The following KAZN variants were observed in gnomAD, a reference collection of about 807,000 sequenced individuals.
KAZN encodes kazrin, periplakin interacting protein.
In KAZN, 40 loss-of-function variants were observed where a neutral mutation model predicts 87.4. That is an observed-to-expected ratio of 0.46 (90% CI 0.36 to 0.60). The LOEUF (loss-of-function observed/expected upper bound fraction) is 0.60. Ranked by LOEUF, KAZN falls within the 20% of genes least tolerant of loss-of-function variation. KAZN has a pLI of 0.00. For synonymous variants in KAZN, 466 were observed against 458.3 expected (o/e 1.02, Z -0.22); for missense variants, 898 against 1,073.9 (o/e 0.84, Z 2.29).
intron 10 of KAZN, among the ~76,000 whole-genome samples, chr1:15,100,284 G>A (rs534918): frequency 0.45 from 69,053 of 151,884 alleles, 15,956 homozygotes; most frequent in East Asian, 0.74. Context: ...ATGCATATCC[G>A]GGCATGAAGG....
intron 2 of KAZN, among the ~76,000 whole-genome samples, chr1:14,211,055 A>G (rs1485293646): frequency 6.6e-6 from 1 of 152,158 alleles, no homozygotes; most frequent in African/African-American, 2.4e-5. Context: ...GGAGACACAC[A>G]GGAGTTCCCA....
intron 1 of KAZN, among the ~76,000 whole-genome samples, chr1:13,935,413 C>A (rs941482254): frequency 2.6e-5 from 4 of 152,080 alleles, no homozygotes; most frequent in Non-Finnish European, 1.5e-5. Flanking sequence ...AGGGCAGAAA[C>A]GGGGATTCAA....
intron 1 of KAZN, among the ~76,000 whole-genome samples, chr1:14,724,320 T>G (rs1572325911): frequency 6.6e-6 from 1 of 152,344 alleles, no homozygotes; most frequent in East Asian, 1.9e-4. Context: ...TTCTTCTTAT[T>G]CTCTGCACAG....
rs1328183404 is a variant in KAZN at position 14,599,938 on chromosome 1, G to A, written c.226+715G>A. ...GGGAGCCCGTTTGAAGGGACTCTGC[G>A]GTTTAGAGAAGAGGAAGAAAAAGAC... On this transcript the variant is annotated intron_variant, in intron 1 of 14. Transcript: ENST00000376030. The surrounding 1 kb of genome is among the most constrained non-coding windows in gnomAD (Gnocchi z 4.4). Among the ~76,000 whole-genome samples, 1 of 152,002 alleles carries A rather than the reference G, an allele frequency of 6.6e-6. No homozygotes were observed. Among genetic ancestry groups the A allele is most frequent in the Non-Finnish European group, 1.5e-5 (1 of 68,004 alleles).
At chr1:14,706,537 C>T (rs890765135) in intron 1 of KAZN, among the ~76,000 whole-genome samples, 5 of 152,146 alleles carry the variant, frequency 3.3e-5, no homozygotes, top group Admixed American at 1.3e-4. Context: ...GCTAATTACT[C>T]TGATCTGATC....
intron 2 of KAZN, among the ~76,000 whole-genome samples, chr1:14,218,388 G>T (rs2100486584): frequency 1.3e-5 from 2 of 152,248 alleles, no homozygotes; most frequent in East Asian, 1.9e-4. Context: ...CCCAGATTAT[G>T]ATCTTGAAAT....
rs542163658 is a variant in KAZN at position 14,439,634 on chromosome 1, T to C, written c.250-159349T>C. Reference sequence around the variant, plus strand: ...TACTGAGCACTTAAAATATAACTCATGTGACTAAGGAACTACATTTGCAAT... The same window carrying C: ...TACTGAGCACTTAAAATATAACTCACGTGACTAAGGAACTACATTTGCAAT... On this transcript the variant is annotated intron_variant, in intron 2 of 16. Transcript: ENST00000636203. Among the ~76,000 whole-genome samples, 47 of 152,354 alleles carry C rather than the reference T, an allele frequency of 3.1e-4. No homozygotes were observed. In the South Asian group the frequency reaches 4.6e-3, roughly 15 times the overall value.
rs74059826 is a variant in KAZN, at chr1:15,099,710, A to C, written c.1548-1833A>C. 0.12 allele frequency among the ~76,000 whole-genome samples: 18,947 copies of C among 152,204 alleles called. 3,822 individuals are homozygous for C. Among genetic ancestry groups the C allele is most frequent in the African/African-American group, 0.43 (17,711 of 41,476 alleles). Reference sequence around the variant, plus strand: ...TGCAAAGAGAAGCCACAGAGTGTTGAGCAGGGGAGTGCACGGTCACACTGA... The same window carrying C: ...TGCAAAGAGAAGCCACAGAGTGTTGCGCAGGGGAGTGCACGGTCACACTGA... On this transcript the variant is annotated intron_variant, in intron 10 of 14. Coordinates refer to ENST00000376030, the MANE Select transcript of KAZN (RefSeq NM_201628.3). The surrounding 1 kb of genome is among the most constrained non-coding windows in gnomAD (Gnocchi z 5.4).
At chr1:14,119,987 T>C (rs146438523) in intron 1 of KAZN, among the ~76,000 whole-genome samples, 172 of 152,118 alleles carry the variant, frequency 1.1e-3, no homozygotes, top group Middle Eastern at 6.8e-3. Flanking sequence ...ACAGATGGGG[T>C]AAGTACCTTG....
At chr1:14,537,145 C>T (rs1672551081) in intron 2 of KAZN, among the ~76,000 whole-genome samples, 1 of 152,190 alleles carries the variant, frequency 6.6e-6, no homozygotes, top group East Asian at 1.9e-4. Context: ...CTCCAGTTTA[C>T]ACTCCAAATA....
intron 1 of KAZN, among the ~76,000 whole-genome samples, chr1:13,909,297 T>G (rs28691275): frequency 6.6e-6 from 1 of 152,010 alleles, no homozygotes; most frequent in Non-Finnish European, 1.5e-5. Flanking sequence ...GATAAGACAG[T>G]GTGAGTCTTT....
intron 2 of KAZN, among the ~76,000 whole-genome samples, chr1:14,358,355 C>CT (rs137984339): frequency 0.22 from 29,797 of 135,122 alleles, 3,344 homozygotes; most frequent in African/African-American, 0.31. Flanking sequence ...TTTTGTAAAT[C>CT]TTTTAAAAAA....
intron 1 of KAZN, among the ~76,000 whole-genome samples, chr1:13,907,523 A>G (rs1203704): frequency 0.6 from 90,228 of 149,336 alleles, 27,965 homozygotes; most frequent in East Asian, 0.82. Context: ...GGTGGGTGGG[A>G]ATGGGGGGTC....
At chr1:14,570,717 G>A (rs966418581) in intron 2 of KAZN, among the ~76,000 whole-genome samples, 1 of 152,180 alleles carries the variant, frequency 6.6e-6, no homozygotes, top group Non-Finnish European at 1.5e-5. Flanking sequence ...TTGTGTGGAC[G>A]TATGTTCTCA....
At chr1:14,365,953 T>G (rs1031431841) in intron 2 of KAZN, among the ~76,000 whole-genome samples, 1 of 152,188 alleles carries the variant, frequency 6.6e-6, no homozygotes, top group Non-Finnish European at 1.5e-5. Context: ...ATGAGATAGA[T>G]TTCCCTACCT....
At chr1:14,513,231 C>T (rs888359129) in intron 2 of KAZN, among the ~76,000 whole-genome samples, 1 of 152,138 alleles carries the variant, frequency 6.6e-6, no homozygotes, top group African/African-American at 2.4e-5. Flanking sequence ...CGTGGTATAA[C>T]TTATTGTCTT....
intron 1 of KAZN, among the ~76,000 whole-genome samples, chr1:14,668,836 G>A (rs984774212): frequency 7.9e-5 from 12 of 152,136 alleles, no homozygotes; most frequent in Non-Finnish European, 1.3e-4. Context: ...GCATGAAGCC[G>A]GCTGCAGCTC....
intron 1 of KAZN, among the ~76,000 whole-genome samples, chr1:14,754,774 G>A (rs925323945): frequency 6.6e-6 from 1 of 152,138 alleles, no homozygotes; most frequent in Admixed American, 6.5e-5. Flanking sequence ...TGTGCTGAGA[G>A]GGAAGGGAAT....
intron 2 of KAZN, among the ~76,000 whole-genome samples, chr1:14,516,321 T>C (rs1187208783): frequency 2.6e-5 from 4 of 152,192 alleles, no homozygotes; most frequent in Non-Finnish European, 5.9e-5. Context: ...GGTGGTAAGA[T>C]GATCAACAGC....
Sources: gnomAD v4.1 joint callset for allele counts (sites outside exome capture counted in the v4.1 genomes callset) on GRCh38, gnomAD v4.1.1 for gene constraint, Gnocchi (gnomAD v3.1) non-coding constraint, MANE v1.5 for transcripts, NCBI Gene and HGNC (gene_info 2026-07-23, HGNC 2026-07-21) for gene names.